The following NECAB2 variants were observed in gnomAD, a reference collection of about 807,000 sequenced individuals.
NECAB2 encodes N-terminal EF-hand calcium binding protein 2.
NECAB2 carries 68 observed loss-of-function variants against 51.9 expected under a neutral mutation model. The ratio of observed to expected loss-of-function variants is 1.31; its 90% CI spans 1.08 to 1.60. The LOEUF (loss-of-function observed/expected upper bound fraction) is 1.60, where lower values mean the gene tolerates loss of function less well. Among genes scored for constraint, NECAB2 ranks in the 40% most tolerant of loss-of-function variants. The probability of loss-of-function intolerance (pLI) is 0.00; values close to 1 mark genes in which losing one functional copy is unlikely to be tolerated. For synonymous variants in NECAB2, 329 were observed against 203.5 expected, an observed-to-expected ratio of 1.62 and a Z score of -5.25; for missense variants, 854 against 490.3, an observed-to-expected ratio of 1.74 and a Z score of -7.00.
At chr16:83,990,472 G>A (rs1481321807) in intron 5 of NECAB2, 22 bp from the exon 6 acceptor site, 5 of 1,613,022 alleles carry the variant, frequency 3.1e-6, no homozygotes, top group East Asian at 2.2e-5. Flanking sequence ...TCCCCTCAGT[G>A]CCTCTTCTCT....
At chr16:83,967,978 GTGGA>G (rs368861995), upstream of NECAB2, among the ~76,000 whole-genome samples, 848 of 149,910 alleles carry the variant, frequency 5.7e-3, 2 homozygotes, top group African/African-American at 0.02. Flanking sequence ...GGGTAGGCAG[GTGGA>G]TGGATGGATG....
chr16:83,976,362 C>T (rs532567532), intron 2 of NECAB2, among the ~76,000 whole-genome samples: 2 of 152,190 alleles, frequency 1.3e-5, no homozygotes, highest in African/African-American at 4.8e-5. Flanking sequence ...CAGTTTACCC[C>T]TCTCTAACAT....
chr16:83,996,631 C>T (rs1567677200), intron 8 of NECAB2, among the ~76,000 whole-genome samples: 1 of 152,152 alleles, frequency 6.6e-6, no homozygotes, highest in Non-Finnish European at 1.5e-5. Flanking sequence ...CACGCTCTGA[C>T]ACTTACATGG....
chr16:83,987,938 A>G (rs2084575919), intron 5 of NECAB2, among the ~76,000 whole-genome samples: 1 of 152,236 alleles, frequency 6.6e-6, no homozygotes, highest in Non-Finnish European at 1.5e-5. Context: ...AAGATTTAAT[A>G]ATGGCACGTC....
Position 84,002,609 on chromosome 16 carries a change from CTGGCCTCTCCCCTACCCCTCACA to C in NECAB2, c.*269_*291del, listed in dbSNP as rs2084860898. Reference sequence around the variant, plus strand: ...GAGCCAGCACCCCTGCCTCCTGGTCCTGGCCTCTCCCCTACCCCTCACATGGCCACGCATGACCCACACTGACC... The same window carrying C: ...GAGCCAGCACCCCTGCCTCCTGGTCCTGGCCACGCATGACCCACACTGACC... On this transcript the variant is annotated 3_prime_UTR_variant, in exon 13 of 13. Coordinates refer to ENST00000305202, the MANE Select transcript of NECAB2 (RefSeq NM_019065.3). The C allele has an allele frequency of 7.0e-6, 4 of 574,088 alleles. No homozygotes were observed. In the South Asian group the frequency reaches 8.1e-5, roughly 12 times the overall value. The allele number at this position is 574,088 out of a possible 1,614,324, so 35.6% of individuals were successfully genotyped here. A position where few individuals can be genotyped will look rare whatever the true frequency, so the allele number is the denominator to read the frequency against.
At chr16:84,002,260 A>AG in intron 12 of NECAB2, 58 bp from the exon 13 acceptor site, 1 of 1,589,916 alleles carries the variant, frequency 6.3e-7, no homozygotes, top group Non-Finnish European at 8.6e-7. Flanking sequence ...GACCACCACC[A>AG]GCTACGAGGC....
chr16:83,996,004 G>A (rs557166432), intron 8 of NECAB2, among the ~76,000 whole-genome samples: 10 of 152,330 alleles, frequency 6.6e-5, no homozygotes, highest in East Asian at 3.9e-4. Context: ...TCCTGGAGAC[G>A]GGGTGGGACC....
Position 83,968,760 on chromosome 16 carries a change from A to T in NECAB2, c.112A>T (p.Met38Leu). The change falls in exon 1 of 13, where the codon ATG (methionine) becomes TTG (leucine). Residue 38 changes from methionine to leucine, a missense_variant. Physicochemically the swap from Met to Leu is conservative, Grantham distance 15 (BLOSUM62 2). Coordinates refer to ENST00000305202, the MANE Select transcript of NECAB2 (RefSeq NM_019065.3). ...GGLLRWVGAR[M>L]GEPRESLAPA... ...GCTGCTGCGCTGGGTGGGCGCCAGG[A>T]TGGGCGAGCCCCGGGAGTCGCTGGC... The T allele has an allele frequency of 1.8e-6, 2 of 1,086,850 alleles. No individual in the cohort carries two copies. Among genetic ancestry groups the T allele is most frequent in the Non-Finnish European group, 2.2e-6 (2 of 897,764 alleles). 67.3% of individuals were successfully genotyped at this position (1,086,850 alleles called of 1,614,324 possible). A position where few individuals can be genotyped will look rare whatever the true frequency, so the allele number is the denominator to read the frequency against.
Position 84,002,434 on chromosome 16 carries a change from C to CAGAAGCTTCTTTTCAATCCATCCTCCACA in NECAB2, c.*94_*122dup. On this transcript the variant is annotated 3_prime_UTR_variant, in exon 13 of 13. Transcript: ENST00000305202. The stretch of plus-strand genomic sequence containing the variant: ...TTTTTTCTAGACAGACACTTTGGTG[C>CAGAAGCTTCTTTTCAATCCATCCTCCACA]AGAAGCTTCTTTTCAATCCATCCTC... 6.7e-7 allele frequency: 1 copy of CAGAAGCTTCTTTTCAATCCATCCTCCACA among 1,493,976 alleles called. No individual in the cohort carries two copies. Among genetic ancestry groups the CAGAAGCTTCTTTTCAATCCATCCTCCACA allele is most frequent in the Non-Finnish European group, 9.3e-7 (1 of 1,075,234 alleles). 92.5% of individuals were successfully genotyped at this position (1,493,976 alleles called of 1,614,324 possible).
intron 10 of NECAB2, 119 bp downstream of exon 10, chr16:83,998,436 A>C (rs1796909019): frequency 1.1e-6 from 1 of 903,226 alleles, no homozygotes; most frequent in Non-Finnish European, 1.7e-6. Flanking sequence ...AGGGACACAC[A>C]CAGCTGGATG....
At chr16:83,998,561 G>C (rs370056867) in intron 10 of NECAB2, among the ~76,000 whole-genome samples, 2 of 152,182 alleles carry the variant, frequency 1.3e-5, no homozygotes, top group Non-Finnish European at 2.9e-5. Flanking sequence ...ACCACCCCCA[G>C]GACTCCTTGC....
upstream of NECAB2, among the ~76,000 whole-genome samples, chr16:83,967,098 C>A (rs2084289353): frequency 6.6e-6 from 1 of 152,184 alleles, no homozygotes; most frequent in African/African-American, 2.4e-5. Context: ...TCTTGAACTC[C>A]TGACCTCAAG....
At chr16:83,983,766 G>C (rs867537839) in intron 5 of NECAB2, among the ~76,000 whole-genome samples, 2 of 152,120 alleles carry the variant, frequency 1.3e-5, no homozygotes, top group Non-Finnish European at 2.9e-5. Flanking sequence ...GTGGAGATCG[G>C]ATGATAGCTT....
intron 6 of NECAB2, among the ~76,000 whole-genome samples, chr16:83,992,377 T>TTCCCCCC (rs1555548086): frequency 3.0e-5 from 4 of 133,042 alleles, no homozygotes; most frequent in African/African-American, 9.6e-5. Context: ...CGAGCACCCG[T>TTCCCCCC]CCCCCCGCCC....
At chr16:83,993,089 T>G (rs988450485) in intron 6 of NECAB2, among the ~76,000 whole-genome samples, 10 of 152,108 alleles carry the variant, frequency 6.6e-5, no homozygotes, top group Non-Finnish European at 1.5e-4. Context: ...GTTCCACACA[T>G]GCCCCTCCCT....
At chr16:83,971,877 T>C in intron 1 of NECAB2, 1 of 584,380 alleles carries the variant, frequency 1.7e-6, no homozygotes, top group South Asian at 2.1e-5. Context: ...GGGATGGCCG[T>C]GGGCCTGCGT....
chr16:83,995,761 A>C (rs1054178940), intron 8 of NECAB2, among the ~76,000 whole-genome samples: 1 of 152,178 alleles, frequency 6.6e-6, no homozygotes, highest in Non-Finnish European at 1.5e-5. Context: ...ACAGAGGCTG[A>C]CGTGGAATGA....
chr16:84,000,072 TAAA>T (rs2084795835), intron 10 of NECAB2, among the ~76,000 whole-genome samples: 3 of 123,916 alleles, frequency 2.4e-5, no homozygotes, highest in Admixed American at 7.2e-5. Context: ...TTTTTTTTTT[TAAA>T]GAGACAGTGT....
chr16:83,998,055 G>C (rs185988454), intron 9 of NECAB2, 150 bp from the exon 10 acceptor site: 3 of 687,530 alleles, frequency 4.4e-6, no homozygotes, highest in Non-Finnish European at 7.3e-6. Context: ...CCCATTTTTA[G>C]TCCATTCTTA....
Sources: allele counts gnomAD v4.1 joint callset (sites outside exome capture counted in the v4.1 genomes callset), GRCh38; gene constraint gnomAD v4.1.1; transcripts MANE v1.5; gene names NCBI Gene and HGNC (gene_info 2026-07-23, HGNC 2026-07-21).